The following KCNQ5 variants were observed in gnomAD, a reference collection of about 807,000 sequenced individuals.
The protein encoded by KCNQ5 is potassium voltage-gated channel subfamily Q member 5, also known as potassium voltage-gated channel subfamily KQT member 5.
KCNQ5 carries 30 observed loss-of-function variants against 98.2 expected under a neutral mutation model. The ratio of observed to expected loss-of-function variants is 0.31; its 90% CI spans 0.23 to 0.41. KCNQ5 has a LOEUF of 0.41. Among genes scored for constraint, KCNQ5 ranks in the 10% least tolerant of loss-of-function variants. The pLI, the probability that KCNQ5 is intolerant of heterozygous loss-of-function variation, is 1.00. For synonymous variants in KCNQ5, 458 were observed against 449.4 expected, an observed-to-expected ratio of 1.02 and a Z score of -0.24; for missense variants, 835 against 1,182.5, an observed-to-expected ratio of 0.71 and a Z score of 4.31.
intron 2 of KCNQ5, among the ~76,000 whole-genome samples, chr6:73,027,957 A>T (rs1280308592): frequency 1.3e-5 from 2 of 152,232 alleles, no homozygotes; most frequent in African/African-American, 4.8e-5. Flanking sequence ...ATGAGATACC[A>T]ATCTTGGATA....
chr6:72,712,653 C>T (rs1011219543), intron 1 of KCNQ5, among the ~76,000 whole-genome samples: 14 of 152,094 alleles, frequency 9.2e-5, no homozygotes, highest in African/African-American at 3.4e-4. Flanking sequence ...GGAAAAATGT[C>T]AGCAACTAAT....
chr6:72,726,228 C>G (rs78414538), intron 1 of KCNQ5, among the ~76,000 whole-genome samples: 2 of 103,848 alleles, frequency 1.9e-5, no homozygotes, highest in African/African-American at 3.3e-5. Context: ...TTTTTTTTTT[C>G]GAGATGGAGT....
At chr6:72,850,247 A>G (rs963807303) in intron 1 of KCNQ5, among the ~76,000 whole-genome samples, 1 of 152,184 alleles carries the variant, frequency 6.6e-6, no homozygotes. Context: ...TCCAGTACAA[A>G]TGAAATATGA....
intron 2 of KCNQ5, among the ~76,000 whole-genome samples, chr6:73,010,097 T>TA (rs1184683984): frequency 6.6e-6 from 1 of 152,090 alleles, no homozygotes; most frequent in African/African-American, 2.4e-5. Context: ...AACATTAGTG[T>TA]AAAAATCATC....
At chr6:72,971,238 T>A (rs1767882676) in intron 1 of KCNQ5, among the ~76,000 whole-genome samples, 1 of 152,102 alleles carries the variant, frequency 6.6e-6, no homozygotes, top group South Asian at 2.1e-4. Context: ...AAAAGACACA[T>A]GAAAAAATGC....
intron 1 of KCNQ5, among the ~76,000 whole-genome samples, chr6:72,895,468 A>G (rs1779214101): frequency 6.6e-6 from 1 of 151,624 alleles, no homozygotes; most frequent in Non-Finnish European, 1.5e-5. Flanking sequence ...TTAAAATAGG[A>G]CTTTTTGAAG....
intron 1 of KCNQ5, among the ~76,000 whole-genome samples, chr6:72,682,137 G>A (rs1316723621): frequency 1.3e-5 from 2 of 152,164 alleles, no homozygotes; most frequent in Non-Finnish European, 2.9e-5. Flanking sequence ...AGTCCCATCT[G>A]TAACATTACA....
chr6:72,887,613 C>A (rs1266656491), intron 1 of KCNQ5, among the ~76,000 whole-genome samples: 2 of 152,144 alleles, frequency 1.3e-5, no homozygotes, highest in African/African-American at 4.8e-5. Flanking sequence ...AAGACAACAG[C>A]ATATCAGTTG....
intron 13 of KCNQ5, among the ~76,000 whole-genome samples, chr6:73,193,167 T>C (rs970018526): frequency 6.6e-5 from 10 of 151,826 alleles, no homozygotes; most frequent in African/African-American, 2.4e-4. Flanking sequence ...ATTACAGGCA[T>C]GCGCCACCAA....
At chr6:73,190,527 T>C in intron 11 of KCNQ5, 46 bp from the exon 12 acceptor site, 2 of 1,031,644 alleles carry the variant, frequency 1.9e-6, no homozygotes, top group Non-Finnish European at 2.6e-6. Flanking sequence ...TGGTAACTTA[T>C]ATTAACAGAG....
At chr6:72,840,419 A>G (rs1776738615) in intron 1 of KCNQ5, among the ~76,000 whole-genome samples, 1 of 152,174 alleles carries the variant, frequency 6.6e-6, no homozygotes, top group Non-Finnish European at 1.5e-5. Flanking sequence ...TTTATACACA[A>G]AACTTGGAGT....
chr6:72,824,522 T>C (rs1174350448), intron 1 of KCNQ5, among the ~76,000 whole-genome samples: 2 of 152,144 alleles, frequency 1.3e-5, no homozygotes, highest in Non-Finnish European at 2.9e-5. Context: ...TTTAAGAGCC[T>C]GCAAAATTAA....
At chr6:72,826,015 T>C (rs1775978813) in intron 1 of KCNQ5, among the ~76,000 whole-genome samples, 1 of 152,118 alleles carries the variant, frequency 6.6e-6, no homozygotes, top group Admixed American at 6.6e-5. Flanking sequence ...CAATCACACT[T>C]CTCTGGTGGA....
chr6:73,103,903 T>C, intron 5 of KCNQ5, among the ~76,000 whole-genome samples: 1 of 152,202 alleles, frequency 6.6e-6, no homozygotes, highest in East Asian at 1.9e-4. Flanking sequence ...CTTGAGGTGA[T>C]GGATACCCCT....
At chr6:73,127,517 C>T (rs1776039074) in intron 9 of KCNQ5, among the ~76,000 whole-genome samples, 1 of 152,214 alleles carries the variant, frequency 6.6e-6, no homozygotes, top group Non-Finnish European at 1.5e-5. Flanking sequence ...GGCACTCTCA[C>T]CAAAGGACGG....
chr6:72,986,836 C>A lies in KCNQ5; in HGVS notation c.399-17072C>A, dbSNP rs532971086. ...AGAAGGAAACAAAGGGGGCCCAGGACCCCACAGCCCTCTCAGTCCAGAACC... is the reference window on the plus strand; with the variant it reads ...AGAAGGAAACAAAGGGGGCCCAGGAACCCACAGCCCTCTCAGTCCAGAACC... On this transcript the variant is annotated intron_variant, in intron 1 of 13. Transcript: ENST00000370398. 75 of 1,080,528 alleles carry A rather than the reference C, an allele frequency of 6.9e-5. No individual in the cohort carries two copies. In the African/African-American group the frequency reaches 1.0e-3, roughly 14 times the overall value. The allele number at this position is 1,080,528 out of a possible 1,614,324, so 66.9% of individuals were successfully genotyped here. A position where few individuals can be genotyped will look rare whatever the true frequency, so the allele number is the denominator to read the frequency against.
chr6:72,903,135 A>G (rs928790090), intron 1 of KCNQ5, among the ~76,000 whole-genome samples: 1 of 152,144 alleles, frequency 6.6e-6, no homozygotes, highest in Non-Finnish European at 1.5e-5. Flanking sequence ...TGTTTATAGT[A>G]ACCTTGAAAG....
In KCNQ5 at chr6:72,995,609, A is replaced by T. The variant is rs560980676; in HGVS notation, c.399-8299A>T. On this transcript the variant is annotated intron_variant, in intron 1 of 13. Coordinates refer to ENST00000370398, the MANE Select transcript of KCNQ5 (RefSeq NM_019842.4). ...TCAGGTAAGATGATAGTCGTGGGAG[A>T]AGAGGTACCTGATAGGGGTGCTCCA... Among the ~76,000 whole-genome samples, 13 of 152,230 alleles carry T rather than the reference A, an allele frequency of 8.5e-5. No homozygotes were observed. In the East Asian group the frequency reaches 2.5e-3, roughly 29 times the overall value.
At chr6:73,163,591 A>G (rs1777691608) in intron 10 of KCNQ5, among the ~76,000 whole-genome samples, 1 of 152,150 alleles carries the variant, frequency 6.6e-6, no homozygotes, top group Non-Finnish European at 1.5e-5. Context: ...TACTAAAAAT[A>G]CAAAAAATTA....
Sources: gnomAD v4.1 joint callset for allele counts (sites outside exome capture counted in the v4.1 genomes callset) on GRCh38, gnomAD v4.1.1 for gene constraint, MANE v1.5 for transcripts, NCBI Gene and HGNC (gene_info 2026-07-23, HGNC 2026-07-21) for gene names.